CNTNAP4: variants seen among roughly 807,000 people sequenced by gnomAD.
CNTNAP4 encodes the protein contactin associated protein family member 4.
CNTNAP4 carries 98 observed loss-of-function variants against 148.4 expected under a neutral mutation model. That is an observed-to-expected ratio of 0.66 (90% CI 0.56 to 0.78). The LOEUF is 0.78. Among genes scored for constraint, CNTNAP4 ranks in the 30% least tolerant of loss-of-function variants. CNTNAP4 has a pLI of 0.00. For missense variants in CNTNAP4, 1,935 were observed against 1,565.6 expected (o/e 1.24, Z -3.98); for synonymous variants, 730 against 565.1 (o/e 1.29, Z -4.14).
chr16:76,363,019 A>G (rs1435097941), intron 3 of CNTNAP4, among the ~76,000 whole-genome samples: 1 of 151,864 alleles, frequency 6.6e-6, no homozygotes, highest in Non-Finnish European at 1.5e-5. Flanking sequence ...CCAGGAGTTC[A>G]AGACCAGCCT....
At chr16:76,545,687 A>G (rs2084688991) in intron 21 of CNTNAP4, among the ~76,000 whole-genome samples, 1 of 152,192 alleles carries the variant, frequency 6.6e-6, no homozygotes, top group African/African-American at 2.4e-5. Context: ...TAAAACAAGA[A>G]TTTCAAAAAT....
At chr16:76,473,026 A>T (rs537726885) in intron 10 of CNTNAP4, among the ~76,000 whole-genome samples, 1 of 152,312 alleles carries the variant, frequency 6.6e-6, no homozygotes, top group South Asian at 2.1e-4. Context: ...CCTTCTCTGA[A>T]TAATGTCCTT....
intron 3 of CNTNAP4, among the ~76,000 whole-genome samples, chr16:76,402,396 C>G (rs939909144): frequency 1.3e-5 from 2 of 151,742 alleles, no homozygotes; most frequent in Non-Finnish European, 2.9e-5. Context: ...GAAGTATCTC[C>G]TTTGTCACTT....
At chr16:76,284,163 G>A (rs1021837400) in intron 1 of CNTNAP4, among the ~76,000 whole-genome samples, 1 of 151,902 alleles carries the variant, frequency 6.6e-6, no homozygotes, top group African/African-American at 2.4e-5. Flanking sequence ...TGATAGGGAA[G>A]GGTTGACCCA....
chr16:76,285,996 G>A (rs1353842559), intron 1 of CNTNAP4, among the ~76,000 whole-genome samples: 1 of 151,956 alleles, frequency 6.6e-6, no homozygotes, highest in Non-Finnish European at 1.5e-5. Flanking sequence ...TAGGCTAATA[G>A]CTTTGCTCTA....
rs1474124635 is a variant in CNTNAP4, at chr16:76,494,910, A to G, written c.2081A>G (p.Asp694Gly). The change falls in exon 14 of 24, where the codon GAT (aspartate) becomes GGT (glycine). Residue 694 changes from aspartate (D) to glycine (G), a missense_variant and splice_region_variant. Transcript: ENST00000611870. The part of the protein sequence containing the change: ...CKKSRLVNKQ[D>G]GTPLSWWVGR... Reference sequence around the variant, plus strand: ...CACATTTTTCACGTTTTTCTTTCAGATGGAACCCCTCTGAGTTGGTGGGTA... The same window carrying G: ...CACATTTTTCACGTTTTTCTTTCAGGTGGAACCCCTCTGAGTTGGTGGGTA... The G allele has an allele frequency of 5.6e-6, 9 of 1,612,322 alleles. No homozygotes were observed. The East Asian group carries it at 2.0e-4, about 36-fold the overall frequency.
Position 76,521,311 on chromosome 16 carries a change from G to A in CNTNAP4, c.2536+1G>A. ...GATTTTATACGGATAGAGCTTCGCT[G>A]TAAGTCTCCTTTTCCAGAGAAGTGT... On this transcript the variant is annotated splice_donor_variant, in intron 16 of 23. Coordinates refer to ENST00000611870, the MANE Select transcript of CNTNAP4 (RefSeq NM_033401.5). LOFTEE classifies it high-confidence loss of function. 4 of 1,595,772 alleles carry A rather than the reference G, an allele frequency of 2.5e-6. No individual in the cohort carries two copies. The highest frequency in any genetic ancestry group is 3.4e-6 in the Non-Finnish European group (4 of 1,173,860).
intron 1 of CNTNAP4, among the ~76,000 whole-genome samples, chr16:76,282,294 C>T (rs528648767): frequency 6.6e-6 from 1 of 151,742 alleles, no homozygotes; most frequent in African/African-American, 2.4e-5. Flanking sequence ...GTAAAATTCC[C>T]ACAGTTTTAA....
intron 3 of CNTNAP4, among the ~76,000 whole-genome samples, chr16:76,410,050 A>G (rs1472930753): frequency 2.6e-5 from 4 of 151,768 alleles, no homozygotes; most frequent in Non-Finnish European, 5.9e-5. Flanking sequence ...CTGATTCAAG[A>G]TTTTCCAGCT....
At chr16:76,420,678 A>C (rs1397457658) in intron 3 of CNTNAP4, among the ~76,000 whole-genome samples, 4 of 151,790 alleles carry the variant, frequency 2.6e-5, no homozygotes, top group African/African-American at 9.7e-5. Context: ...CCATGACCAA[A>C]AACAACAACA....
In CNTNAP4 at chr16:76,521,292, A is replaced by T; in HGVS notation, c.2518A>T (p.Ile840Leu). Residue 840 changes from isoleucine to leucine, a missense_variant, in exon 16 of 24, where the codon ATA (isoleucine) becomes TTA (leucine). Coordinates refer to ENST00000611870, the MANE Select transcript of CNTNAP4 (RefSeq NM_033401.5). ...FLENLGIADF[I>L]RIELRSPTVV... is the part of the protein sequence containing the mutation. ...AGAGAACTTGGGGATTGCTGATTTT[A>T]TACGGATAGAGCTTCGCTGTAAGTC... 1 of 1,611,536 alleles carries T rather than the reference A, an allele frequency of 6.2e-7. No individual in the cohort carries two copies. The highest frequency in any genetic ancestry group is 2.2e-5 in the East Asian group (1 of 44,752).
At chr16:76,298,986 T>G (rs1272169536) in intron 1 of CNTNAP4, among the ~76,000 whole-genome samples, 2 of 152,052 alleles carry the variant, frequency 1.3e-5, no homozygotes, top group Non-Finnish European at 1.5e-5. Flanking sequence ...TTACAACGTC[T>G]TATTAATTCA....
chr16:76,542,409 C>T (rs1053205258), intron 21 of CNTNAP4, among the ~76,000 whole-genome samples: 3 of 151,988 alleles, frequency 2.0e-5, no homozygotes, highest in Non-Finnish European at 2.9e-5. Flanking sequence ...TATGGCATAG[C>T]GTAGGAAGCC....
chr16:76,354,612 T>A (rs2012328088), intron 2 of CNTNAP4, among the ~76,000 whole-genome samples: 1 of 152,174 alleles, frequency 6.6e-6, no homozygotes, highest in Non-Finnish European at 1.5e-5. Flanking sequence ...CATGGCCAAT[T>A]GCAAAGATGG....
intron 17 of CNTNAP4, among the ~76,000 whole-genome samples, chr16:76,529,539 C>CT (rs1240800903): frequency 6.6e-6 from 1 of 152,188 alleles, no homozygotes; most frequent in Non-Finnish European, 1.5e-5. Flanking sequence ...GTAGAAGCTT[C>CT]TTAAATTAGC....
intron 17 of CNTNAP4, among the ~76,000 whole-genome samples, chr16:76,527,921 C>T (rs1347330875): frequency 6.6e-6 from 1 of 152,054 alleles, no homozygotes; most frequent in African/African-American, 2.4e-5. Flanking sequence ...TAGGACAAGA[C>T]TGAAAGACTG....
chr16:76,321,480 C>T (rs868077938), intron 2 of CNTNAP4, among the ~76,000 whole-genome samples: 4 of 152,088 alleles, frequency 2.6e-5, no homozygotes, highest in Non-Finnish European at 4.4e-5. Context: ...TGGTGTTAAA[C>T]GTATTATATT....
At chr16:76,327,862 C>T (rs1963145461) in intron 2 of CNTNAP4, among the ~76,000 whole-genome samples, 1 of 152,164 alleles carries the variant, frequency 6.6e-6, no homozygotes, top group African/African-American at 2.4e-5. Context: ...GCATTGGATA[C>T]CAGTAGCTTG....
chr16:76,280,761 C>T (rs1255194137), intron 1 of CNTNAP4, among the ~76,000 whole-genome samples: 1 of 152,082 alleles, frequency 6.6e-6, no homozygotes, highest in Non-Finnish European at 1.5e-5. Flanking sequence ...GGTTTCTTTG[C>T]TTGCTACTAA....
Sources: allele counts gnomAD v4.1 joint callset (sites outside exome capture counted in the v4.1 genomes callset), GRCh38; gene constraint gnomAD v4.1.1; transcripts MANE v1.5; gene names NCBI Gene and HGNC (gene_info 2026-07-23, HGNC 2026-07-21).